PAPPA2: variants seen among roughly 807,000 people sequenced by gnomAD.
The protein encoded by PAPPA2 is pappalysin-2.
Under a neutral mutation model 176.4 loss-of-function variants are expected in PAPPA2, and 86 were observed. The observed-to-expected ratio is 0.49, with a 90% CI of 0.41 to 0.58. PAPPA2 has a LOEUF of 0.58. PAPPA2 is among the 20% of genes least tolerant of loss of function. The pLI, the probability that PAPPA2 is intolerant of heterozygous loss-of-function variation, is 0.00. For missense variants in PAPPA2, 2,073 were observed against 2,256.9 expected, an observed-to-expected ratio of 0.92 and a Z score of 1.65; for synonymous variants, 809 against 852.2, an observed-to-expected ratio of 0.95 and a Z score of 0.88.
At chr1:176,587,414 T>C (rs1299528644) in intron 2 of PAPPA2, among the ~76,000 whole-genome samples, 2 of 152,220 alleles carry the variant, frequency 1.3e-5, no homozygotes, top group Non-Finnish European at 2.9e-5. Context: ...AGAGTTTTTA[T>C]GGTTTGGGGT....
intron 14 of PAPPA2, among the ~76,000 whole-genome samples, chr1:176,743,382 T>G (rs1662770905): frequency 6.6e-6 from 1 of 152,204 alleles, no homozygotes. Context: ...TATGACCCTT[T>G]GAGCTTATTC....
chr1:176,828,812 G>A (rs1387129648), intron 21 of PAPPA2, among the ~76,000 whole-genome samples: 1 of 151,812 alleles, frequency 6.6e-6, no homozygotes, highest in African/African-American at 2.4e-5. Context: ...GACCAGCCTG[G>A]CCAACATGGT....
chr1:176,504,107 C>T (rs1234110601), intron 1 of PAPPA2, among the ~76,000 whole-genome samples: 1 of 152,058 alleles, frequency 6.6e-6, no homozygotes, highest in Non-Finnish European at 1.5e-5. Context: ...CATATCTTTA[C>T]CCTCTATGAC....
intron 21 of PAPPA2, among the ~76,000 whole-genome samples, chr1:176,801,801 C>T (rs527854123): frequency 2.2e-4 from 33 of 152,154 alleles, no homozygotes; most frequent in Middle Eastern, 3.4e-3. Context: ...AGCTGGCTTC[C>T]GTGTTTCCCA....
intron 1 of PAPPA2, among the ~76,000 whole-genome samples, chr1:176,480,698 G>A (rs903153510): frequency 6.6e-6 from 1 of 152,084 alleles, no homozygotes; most frequent in Admixed American, 6.5e-5. Flanking sequence ...ATGGATGAAG[G>A]AAAATATTTT....
At chr1:176,515,887 A>G (rs1287931124) in intron 1 of PAPPA2, among the ~76,000 whole-genome samples, 1 of 152,082 alleles carries the variant, frequency 6.6e-6, no homozygotes, top group Admixed American at 6.6e-5. Context: ...AGTGGAATTG[A>G]TATTTACTGA....
intron 3 of PAPPA2, among the ~76,000 whole-genome samples, chr1:176,633,178 A>G (rs189091228): frequency 6.6e-6 from 1 of 152,322 alleles, no homozygotes; most frequent in East Asian, 1.9e-4. Flanking sequence ...GTGCATTATG[A>G]GAGTAATTTA....
At chr1:176,730,811 CGTAA>C (rs1662107140) in intron 12 of PAPPA2, among the ~76,000 whole-genome samples, 1 of 151,882 alleles carries the variant, frequency 6.6e-6, no homozygotes, top group Admixed American at 6.6e-5. Context: ...GTCATTCAGT[CGTAA>C]GTATTTTGTA....
At chr1:176,514,322 TAACA>T (rs1465159400) in intron 1 of PAPPA2, among the ~76,000 whole-genome samples, 2 of 152,098 alleles carry the variant, frequency 1.3e-5, no homozygotes, top group African/African-American at 4.8e-5. Context: ...CCATGGGAAC[TAACA>T]GAGAGGGAAC....
intron 6 of PAPPA2, 126 bp downstream of exon 6, chr1:176,692,444 GA>G: frequency 1.1e-6 from 1 of 950,024 alleles, no homozygotes; most frequent in Non-Finnish European, 1.6e-6. Flanking sequence ...CCACTGCTCA[GA>G]GCTGCTGCTC....
intron 1 of PAPPA2, among the ~76,000 whole-genome samples, chr1:176,506,913 C>A (rs1298683438): frequency 6.6e-6 from 1 of 151,912 alleles, no homozygotes; most frequent in East Asian, 1.9e-4. Flanking sequence ...TCCCTAAAGG[C>A]AATTGCAACC....
At chr1:176,717,599 A>G (rs1287686226) in intron 12 of PAPPA2, among the ~76,000 whole-genome samples, 1 of 152,170 alleles carries the variant, frequency 6.6e-6, no homozygotes, top group East Asian at 1.9e-4. Flanking sequence ...CCACTGGCTC[A>G]CCTTCAAGTT....
At chr1:176,499,925 T>C (rs1005397542) in intron 1 of PAPPA2, among the ~76,000 whole-genome samples, 2 of 152,158 alleles carry the variant, frequency 1.3e-5, no homozygotes, top group Admixed American at 6.5e-5. Context: ...TCCCTCTGTG[T>C]GTATGTATGT....
rs1332310253 is a variant in PAPPA2 at position 176,690,227 on chromosome 1, A to G, written c.2228A>G (p.His743Arg). Residue 743 changes from histidine to arginine, a missense_variant, in exon 5 of 23, where the codon CAT becomes CGT. Around this residue, in one of 4 missense-constraint regions of PAPPA2, gnomAD observed 1,196 missense variants for 1,330.4 expected, o/e 0.90. Transcript: ENST00000367662. ...GTGGGACATGTTCTGGGACTCTACCATGTCTTTAAAGGAGTCAGTGAAAGA... is the reference window on the plus strand; with the variant it reads ...GTGGGACATGTTCTGGGACTCTACCGTGTCTTTAAAGGAGTCAGTGAAAGA... Reference protein sequence around the residue: ...HEVGHVLGLYHVFKGVSERES... With the variant: ...HEVGHVLGLYRVFKGVSERES... The G allele has an allele frequency of 6.2e-7, 1 of 1,613,964 alleles. No individual in the cohort carries two copies. The highest frequency in any genetic ancestry group is 8.5e-7 in the Non-Finnish European group (1 of 1,180,002).
chr1:176,589,072 A>G (rs1653497667), intron 2 of PAPPA2, among the ~76,000 whole-genome samples: 1 of 152,228 alleles, frequency 6.6e-6, no homozygotes. Context: ...AGCATCAAGA[A>G]AAAACTCAAG....
chr1:176,533,629 G>A (rs1006116564), intron 1 of PAPPA2, among the ~76,000 whole-genome samples: 24 of 152,130 alleles, frequency 1.6e-4, no homozygotes, highest in Non-Finnish European at 1.6e-4. Flanking sequence ...ATAAACACTC[G>A]TCACCTAAAA....
At chr1:176,597,976 A>G (rs1654074822) in intron 3 of PAPPA2, among the ~76,000 whole-genome samples, 2 of 152,322 alleles carry the variant, frequency 1.3e-5, no homozygotes, top group South Asian at 2.1e-4. Flanking sequence ...CACTGCCTGC[A>G]GAAGGGGAAC....
intron 1 of PAPPA2, among the ~76,000 whole-genome samples, chr1:176,543,653 C>T (rs1446218461): frequency 6.6e-6 from 1 of 152,118 alleles, no homozygotes; most frequent in African/African-American, 2.4e-5. Context: ...TCTCCAATGC[C>T]ACACCTGGGG....
At chr1:176,768,872 A>T (rs997794803) in intron 15 of PAPPA2, among the ~76,000 whole-genome samples, 1 of 152,206 alleles carries the variant, frequency 6.6e-6, no homozygotes, top group African/African-American at 2.4e-5. Context: ...CAGTGGAGGT[A>T]ATTATTTTCA....
Sources: gnomAD v4.1 joint callset for allele counts (sites outside exome capture counted in the v4.1 genomes callset) on GRCh38, gnomAD v4.1.1 for gene constraint, gnomAD v4.1.1 regional missense constraint, MANE v1.5 for transcripts, NCBI Gene and HGNC (gene_info 2026-07-23, HGNC 2026-07-21) for gene names.